The following CRTC3 variants were observed in gnomAD, a reference collection of about 807,000 sequenced individuals.
The protein encoded by CRTC3 is CREB regulated transcription coactivator 3.
A neutral mutation model predicts 74.5 loss-of-function variants in CRTC3; 26 were observed. The ratio of observed to expected loss-of-function variants is 0.35; its 90% CI spans 0.26 to 0.48. CRTC3 has a LOEUF of 0.48. Ranked by LOEUF, CRTC3 falls within the 20% of genes least tolerant of loss-of-function variation. CRTC3 has a pLI of 0.99. For synonymous variants in CRTC3, 377 were observed against 325.8 expected (o/e 1.16, Z -1.69); for missense variants, 760 against 787.3 (o/e 0.97, Z 0.41).
intron 2 of CRTC3, among the ~76,000 whole-genome samples, chr15:90,571,151 A>G (rs1217748304): frequency 6.6e-6 from 1 of 152,230 alleles, no homozygotes; most frequent in Admixed American, 6.5e-5. Context: ...ACAATGACCC[A>G]GACAGGCACA....
At chr15:90,567,770 A>C (rs1423861134) in intron 2 of CRTC3, among the ~76,000 whole-genome samples, 14 of 152,210 alleles carry the variant, frequency 9.2e-5, no homozygotes, top group Admixed American at 8.5e-4. Context: ...TCTGATGGAA[A>C]TGTAGAAGAT....
At chr15:90,539,863 A>G (rs1170412998) in intron 1 of CRTC3, 176 bp from the exon 2 acceptor site, 1 of 597,818 alleles carries the variant, frequency 1.7e-6, no homozygotes, top group East Asian at 3.0e-5. Flanking sequence ...TTCCGAAAAT[A>G]GAGTAATCAA....
intron 2 of CRTC3, among the ~76,000 whole-genome samples, chr15:90,545,738 G>A (rs889479834): frequency 1.0e-4 from 11 of 105,770 alleles, no homozygotes; most frequent in Admixed American, 2.6e-4. Flanking sequence ...CACCACGCCC[G>A]GGTAATTTTT....
intron 4 of CRTC3, among the ~76,000 whole-genome samples, chr15:90,603,961 C>T (rs1968151203): frequency 6.6e-6 from 1 of 152,110 alleles, no homozygotes; most frequent in Non-Finnish European, 1.5e-5. Flanking sequence ...CAAGAAATGT[C>T]TTCTGCTTTT....
chr15:90,572,181 A>G (rs1324269895), intron 2 of CRTC3, among the ~76,000 whole-genome samples: 2 of 137,690 alleles, frequency 1.5e-5, no homozygotes, highest in Non-Finnish European at 3.2e-5. Flanking sequence ...AAAAAAAAAA[A>G]GGCAGAACTT....
intron 6 of CRTC3, among the ~76,000 whole-genome samples, chr15:90,612,612 C>T (rs760078020): frequency 6.6e-6 from 1 of 151,850 alleles, no homozygotes; most frequent in African/African-American, 2.4e-5. Context: ...GCACGCCATA[C>T]CAGATTGCTA....
chr15:90,555,660 G>C (rs1966881899), intron 2 of CRTC3, among the ~76,000 whole-genome samples: 1 of 152,058 alleles, frequency 6.6e-6, no homozygotes. Flanking sequence ...TGGGATTATA[G>C]GCATGCACCA....
At chr15:90,615,092 T>TAAATAAATAAATAAATAAATA (rs1170678951) in intron 7 of CRTC3, among the ~76,000 whole-genome samples, 2 of 151,930 alleles carry the variant, frequency 1.3e-5, no homozygotes, top group African/African-American at 4.8e-5. Context: ...ATAAATAAAT[T>TAAATAAATAAATAAATAAATA]AATTAATTGA....
chr15:90,546,101 A>G (rs559660007), intron 2 of CRTC3, among the ~76,000 whole-genome samples: 10 of 152,122 alleles, frequency 6.6e-5, no homozygotes, highest in African/African-American at 2.4e-4. Flanking sequence ...TGTCTTATCT[A>G]TTAATAAGAG....
chr15:90,550,948 A>G (rs901912544), intron 2 of CRTC3, among the ~76,000 whole-genome samples: 2 of 152,070 alleles, frequency 1.3e-5, no homozygotes, highest in African/African-American at 4.8e-5. Context: ...GAATGAAACA[A>G]GAGAGGCTGA....
chr15:90,627,999 C>T (rs1019004726), intron 10 of CRTC3, among the ~76,000 whole-genome samples: 3 of 150,086 alleles, frequency 2.0e-5, no homozygotes, highest in African/African-American at 4.9e-5. Flanking sequence ...GAGTGGATCA[C>T]GAGGTCAGGA....
intron 3 of CRTC3, chr15:90,594,274 T>A (rs1967867504): frequency 6.6e-6 from 1 of 152,356 alleles, no homozygotes; most frequent in Admixed American, 6.5e-5. Flanking sequence ...CATGCAGTGA[T>A]GTACAGTCAC....
chr15:90,568,743 T>G (rs1967184254), intron 2 of CRTC3, among the ~76,000 whole-genome samples: 1 of 152,176 alleles, frequency 6.6e-6, no homozygotes, highest in African/African-American at 2.4e-5. Flanking sequence ...CCAACTTCGT[T>G]GTTGTCATAT....
chr15:90,580,384 T>C (rs1596098786), intron 2 of CRTC3, among the ~76,000 whole-genome samples: 1 of 151,916 alleles, frequency 6.6e-6, no homozygotes, highest in African/African-American at 2.4e-5. Context: ...ATAGGAAGAA[T>C]AGGCTTCCTT....
At chr15:90,637,376 G>A (rs963041034) in intron 11 of CRTC3, among the ~76,000 whole-genome samples, 13 of 152,266 alleles carry the variant, frequency 8.5e-5, no homozygotes, top group African/African-American at 2.9e-4. Flanking sequence ...GACACAGGAA[G>A]GGGAACATCA....
At chr15:90,536,551 A>T (rs1244090046) in intron 1 of CRTC3, among the ~76,000 whole-genome samples, 1 of 152,088 alleles carries the variant, frequency 6.6e-6, no homozygotes, top group African/African-American at 2.4e-5. Context: ...AAATTTTAGA[A>T]TTATCTTGTC....
intron 2 of CRTC3, among the ~76,000 whole-genome samples, chr15:90,572,931 A>C (rs4352026): frequency 0.63 from 95,435 of 151,614 alleles, 30,683 homozygotes; most frequent in South Asian, 0.74. Context: ...TTAAAACTTA[A>C]CATCTTGATT....
At chr15:90,540,220 A>G (rs1191618763) in intron 2 of CRTC3, 83 bp downstream of exon 2, 1 of 971,164 alleles carries the variant, frequency 1.0e-6, no homozygotes, top group African/African-American at 1.6e-5. Flanking sequence ...TGAGATCTTG[A>G]AGGATAAGCT....
intron 3 of CRTC3, chr15:90,596,180 T>G (rs924356440): frequency 1.3e-5 from 2 of 152,266 alleles, no homozygotes; most frequent in Admixed American, 6.5e-5. Flanking sequence ...GCATACTTCC[T>G]GCTTTCTTGA....
Sources: gnomAD v4.1 joint callset for allele counts (sites outside exome capture counted in the v4.1 genomes callset) on GRCh38, gnomAD v4.1.1 for gene constraint, MANE v1.5 for transcripts, NCBI Gene and HGNC (gene_info 2026-07-23, HGNC 2026-07-21) for gene names.